The following CPNE4 variants were observed in gnomAD, a reference collection of about 807,000 sequenced individuals.
CPNE4 encodes copine 4, also known as copine-4.
CPNE4 carries 25 observed loss-of-function variants against 67.9 expected under a neutral mutation model. The observed-to-expected ratio is 0.37, with a 90% confidence interval of 0.27 to 0.51. The LOEUF is 0.51. Ranked by LOEUF, CPNE4 falls within the 20% of genes least tolerant of loss-of-function variation. The probability of loss-of-function intolerance (pLI) is 0.93; values close to 1 mark genes in which losing one functional copy is unlikely to be tolerated. For missense variants in CPNE4, 464 were observed against 690.8 expected (o/e 0.67, Z 3.68); for synonymous variants, 242 against 244.9 (o/e 0.99, Z 0.11).
chr3:131,692,152 C>T (rs1352028149), intron 5 of CPNE4, among the ~76,000 whole-genome samples: 1 of 152,096 alleles, frequency 6.6e-6, no homozygotes, highest in Non-Finnish European at 1.5e-5. Context: ...AGTTCATACC[C>T]ATGACGGTGA....
chr3:131,866,196 A>T (rs2086942664), intron 2 of CPNE4, among the ~76,000 whole-genome samples: 1 of 152,234 alleles, frequency 6.6e-6, no homozygotes, highest in Non-Finnish European at 1.5e-5. Flanking sequence ...ATTTAGTTAT[A>T]ATCTGATCAG....
chr3:131,729,886 C>A (rs77127839), intron 2 of CPNE4, among the ~76,000 whole-genome samples: 6 of 152,160 alleles, frequency 3.9e-5, no homozygotes, highest in Non-Finnish European at 5.9e-5. Context: ...CTGCCTCCTG[C>A]CTAGTAAATT....
intron 7 of CPNE4, among the ~76,000 whole-genome samples, chr3:131,614,544 T>G (rs1307198003): frequency 5.3e-5 from 8 of 152,190 alleles, no homozygotes; most frequent in African/African-American, 1.9e-4. Flanking sequence ...TGGATGTAAT[T>G]GAGAGACAAT....
At chr3:131,680,267 T>G (rs201999484) in intron 6 of CPNE4, among the ~76,000 whole-genome samples, 1 of 135,086 alleles carries the variant, frequency 7.4e-6, no homozygotes, top group African/African-American at 2.7e-5. Flanking sequence ...TTTTTTTTTT[T>G]CCTTTTGCTT....
intron 1 of CPNE4, among the ~76,000 whole-genome samples, chr3:131,950,493 G>A (rs912841507): frequency 6.6e-6 from 1 of 152,032 alleles, no homozygotes; most frequent in Non-Finnish European, 1.5e-5. Context: ...GGGAGAAGAA[G>A]GCAGAGTTTT....
chr3:131,865,799 A>G (rs989674818), intron 2 of CPNE4, among the ~76,000 whole-genome samples: 4 of 152,234 alleles, frequency 2.6e-5, no homozygotes, highest in Non-Finnish European at 5.9e-5. Flanking sequence ...ATAGGTATTT[A>G]TTAAGGTGTG....
At chr3:131,600,306 C>T (rs1042247968) in intron 7 of CPNE4, among the ~76,000 whole-genome samples, 1 of 152,020 alleles carries the variant, frequency 6.6e-6, no homozygotes. Context: ...AAGGGTAGTA[C>T]AAACAGGAGA....
intron 2 of CPNE4, among the ~76,000 whole-genome samples, chr3:131,857,040 G>C (rs764478209): frequency 5.3e-5 from 8 of 151,942 alleles, no homozygotes; most frequent in Admixed American, 2.6e-4. Flanking sequence ...TAGCATCCCT[G>C]ACTTACATCA....
At chr3:131,812,388 G>T (rs892289157) in intron 2 of CPNE4, among the ~76,000 whole-genome samples, 1 of 152,108 alleles carries the variant, frequency 6.6e-6, no homozygotes, top group Non-Finnish European at 1.5e-5. Flanking sequence ...CAAATATTTA[G>T]CACAGTATGA....
chr3:131,586,726 A>ATCTATCTATCTATCTATCTG (rs1333232108), intron 8 of CPNE4, among the ~76,000 whole-genome samples: 1 of 129,600 alleles, frequency 7.7e-6, no homozygotes, highest in African/African-American at 3.7e-5. Flanking sequence ...TTCTATCTCT[A>ATCTATCTATCTATCTATCTG]TCTGTCTGTC....
At chr3:131,735,892 T>C (rs1409611330) in intron 2 of CPNE4, among the ~76,000 whole-genome samples, 1 of 152,242 alleles carries the variant, frequency 6.6e-6, no homozygotes, top group Admixed American at 6.5e-5. Context: ...GATGTCTCTC[T>C]TGATCAACTT....
chr3:132,017,024 A>G (rs575105321), intron 1 of CPNE4, among the ~76,000 whole-genome samples: 196 of 150,274 alleles, frequency 1.3e-3, no homozygotes, highest in African/African-American at 4.6e-3. Context: ...ACATGACTAA[A>G]GAAGGCAAGC....
At chr3:131,963,530 C>A (rs757728515) in intron 1 of CPNE4, among the ~76,000 whole-genome samples, 2 of 152,164 alleles carry the variant, frequency 1.3e-5, no homozygotes, top group Non-Finnish European at 2.9e-5. Flanking sequence ...CTGAAGTCGA[C>A]CTGGGATGCT....
intron 7 of CPNE4, among the ~76,000 whole-genome samples, chr3:131,593,580 G>T (rs990100607): frequency 7.9e-5 from 12 of 152,106 alleles, no homozygotes; most frequent in Non-Finnish European, 1.6e-4. Context: ...GAAGCCGTTA[G>T]GGTTTTGTAC....
intron 10 of CPNE4, among the ~76,000 whole-genome samples, chr3:131,566,210 C>A (rs1181197764): frequency 6.6e-6 from 1 of 151,720 alleles, no homozygotes; most frequent in African/African-American, 2.4e-5. Context: ...TAGGAGGCAA[C>A]CATGGCAATT....
At chr3:131,983,306 C>G (rs1473257017) in intron 1 of CPNE4, among the ~76,000 whole-genome samples, 4 of 152,236 alleles carry the variant, frequency 2.6e-5, no homozygotes, top group Admixed American at 2.6e-4. Context: ...ATTTTAAATA[C>G]AGAATCTGGT....
chr3:131,965,325 A>G (rs144177165), intron 1 of CPNE4, among the ~76,000 whole-genome samples: 16 of 152,384 alleles, frequency 1.0e-4, no homozygotes, highest in Admixed American at 8.5e-4. Context: ...ACTAATGTGC[A>G]AAATAACCAG....
Position 131,991,170 on chromosome 3 carries a change from C to T in CPNE4, c.-2+43397G>A, listed in dbSNP as rs181524676. Among the ~76,000 whole-genome samples, 5 of 135,922 alleles carry T rather than the reference C, an allele frequency of 3.7e-5. 2 individuals are homozygous for T. In the East Asian group the frequency reaches 1.2e-3, roughly 32 times the overall value. 89.2% of individuals were successfully genotyped at this position (135,922 alleles called of 152,430 possible). A position where few individuals can be genotyped will look rare whatever the true frequency, so the allele number is the denominator to read the frequency against. On this transcript the variant is annotated intron_variant, in intron 1 of 15. Coordinates refer to ENST00000429747, the MANE Select transcript of CPNE4 (RefSeq NM_130808.3). ...TTGGTGCTGAAGGAGTAGGGCATGGCTATAACGATGGAAGCAACTTTGGAA... is the reference window on the plus strand; with the variant it reads ...TTGGTGCTGAAGGAGTAGGGCATGGTTATAACGATGGAAGCAACTTTGGAA...
intron 3 of CPNE4, among the ~76,000 whole-genome samples, chr3:131,715,967 A>G (rs1023676661): frequency 1.3e-5 from 2 of 152,072 alleles, no homozygotes; most frequent in Non-Finnish European, 2.9e-5. Flanking sequence ...TGAGTACCCT[A>G]TGTCCTCGTG....
Sources: gnomAD v4.1 joint callset for allele counts (sites outside exome capture counted in the v4.1 genomes callset) on GRCh38, gnomAD v4.1.1 for gene constraint, MANE v1.5 for transcripts, NCBI Gene and HGNC (gene_info 2026-07-23, HGNC 2026-07-21) for gene names.